Variants in ACTR3C observed in about 807,000 individuals in gnomAD.
ACTR3C encodes actin related protein 3C, also known as actin-related protein 3C.
ACTR3C carries 18 observed loss-of-function variants against 26.3 expected under a neutral mutation model. That is an observed-to-expected ratio of 0.68 (90% CI 0.47 to 1.01). The LOEUF is 1.01. Among genes scored for constraint, ACTR3C ranks in the 50% least tolerant of loss-of-function variants. The pLI is 0.00. For synonymous variants in ACTR3C, 55 were observed against 94.5 expected (o/e 0.58, Z 2.42); for missense variants, 184 against 250.7 (o/e 0.73, Z 1.80).
At chr7:150,044,459 A>C in the ACTR3C span, among the ~76,000 whole-genome samples, 1 of 152,224 alleles carries the variant, frequency 6.6e-6, no homozygotes, top group African/African-American at 2.4e-5. Context: ...TTTTATTTCT[A>C]TTTTGAAGTC....
chr7:150,193,948 T>TAAA, the ACTR3C span, among the ~76,000 whole-genome samples: 150 of 141,596 alleles, frequency 1.1e-3, 1 homozygote, highest in African/African-American at 3.9e-3. Context: ...ATGCCTGCTT[T>TAAA]AAAAAAATAT....
the ACTR3C span, among the ~76,000 whole-genome samples, chr7:149,885,034 C>T: frequency 6.3e-4 from 96 of 152,094 alleles, no homozygotes; most frequent in Non-Finnish European, 1.3e-3. Flanking sequence ...AGGGGGAGCA[C>T]GGGAGGGCAC....
chr7:150,180,588 C>T, the ACTR3C span, among the ~76,000 whole-genome samples: 2 of 146,372 alleles, frequency 1.4e-5, no homozygotes, highest in East Asian at 4.0e-4. Flanking sequence ...TCTCGGCTCA[C>T]TGCAAGCTCC....
At chr7:150,296,440 G>T (rs113496022) in intron 1 of ACTR3C, among the ~76,000 whole-genome samples, 5,979 of 151,926 alleles carry the variant, frequency 0.039, 374 homozygotes, top group African/African-American at 0.14. Flanking sequence ...AAGAATCCAA[G>T]TATCTATTTT....
chr7:150,128,902 G>A, the ACTR3C span, among the ~76,000 whole-genome samples: 1 of 151,596 alleles, frequency 6.6e-6, no homozygotes, highest in Non-Finnish European at 1.5e-5. Context: ...CCTAGAGAAA[G>A]CTTCCAGACC....
At chr7:150,024,689 C>T in the ACTR3C span, among the ~76,000 whole-genome samples, 8 of 135,634 alleles carry the variant, frequency 5.9e-5, no homozygotes, top group East Asian at 4.2e-4. Context: ...ACCACACTTG[C>T]GTGCAAGAGC....
At chr7:150,141,890 G>T in the ACTR3C span, among the ~76,000 whole-genome samples, 3 of 151,876 alleles carry the variant, frequency 2.0e-5, no homozygotes, top group African/African-American at 4.8e-5. Flanking sequence ...GGAACAGAAG[G>T]CCTCTCTCTA....
chr7:150,108,921 G>C, the ACTR3C span, among the ~76,000 whole-genome samples: 27,564 of 151,376 alleles, frequency 0.18, 3,425 homozygotes, highest in African/African-American at 0.34. Flanking sequence ...TGGGGAAGTT[G>C]CAAGAACCTC....
the ACTR3C span, among the ~76,000 whole-genome samples, chr7:150,071,323 A>C: frequency 6.7e-6 from 1 of 148,456 alleles, no homozygotes; most frequent in East Asian, 2.0e-4. Flanking sequence ...ACGGGGTTTC[A>C]CCATGTTAGC....
the ACTR3C span, among the ~76,000 whole-genome samples, chr7:149,925,500 C>T: frequency 6.6e-6 from 1 of 152,096 alleles, no homozygotes; most frequent in Non-Finnish European, 1.5e-5. Context: ...TGTGGTGCTG[C>T]TATTATGAAC....
At chr7:150,149,298 CCTT>C in the ACTR3C span, among the ~76,000 whole-genome samples, 1 of 151,844 alleles carries the variant, frequency 6.6e-6, no homozygotes, top group East Asian at 1.9e-4. Flanking sequence ...ATGTGACTCA[CCTT>C]CTCCCACCTC....
chr7:150,288,035 C>A (rs1236630975), intron 4 of ACTR3C, among the ~76,000 whole-genome samples: 1 of 146,506 alleles, frequency 6.8e-6, no homozygotes, highest in South Asian at 2.3e-4. Flanking sequence ...AAGGCCATGG[C>A]AGTAAGGGGA....
the ACTR3C span, among the ~76,000 whole-genome samples, chr7:150,049,230 C>G: frequency 5.9e-5 from 9 of 152,202 alleles, no homozygotes; most frequent in South Asian, 1.9e-3. Context: ...CTCCCGCGTC[C>G]TCCCCGGCTC....
chr7:150,209,325 AG>A, the ACTR3C span, among the ~76,000 whole-genome samples: 1 of 148,028 alleles, frequency 6.8e-6, no homozygotes, highest in South Asian at 2.1e-4. Context: ...AGAGAGAGAG[AG>A]AGAGAGAAGT....
the ACTR3C span, among the ~76,000 whole-genome samples, chr7:150,199,085 G>GCCCC: frequency 7.1e-3 from 1,042 of 146,144 alleles, 26 homozygotes; most frequent in African/African-American, 0.026. Flanking sequence ...CTGCCCGGCC[G>GCCCC]CCCCCCCGTC....
the ACTR3C span, among the ~76,000 whole-genome samples, chr7:150,033,449 T>C: frequency 2.6e-5 from 4 of 152,228 alleles, no homozygotes; most frequent in Non-Finnish European, 4.4e-5. Flanking sequence ...CAGACTCTCA[T>C]GCACCTGCCG....
At chr7:149,915,091 G>A in the ACTR3C span, among the ~76,000 whole-genome samples, 6 of 152,190 alleles carry the variant, frequency 3.9e-5, no homozygotes, top group Non-Finnish European at 8.8e-5. Flanking sequence ...TGTTGGCCAG[G>A]CTAGTCTGGA....
the ACTR3C span, among the ~76,000 whole-genome samples, chr7:149,914,110 A>G: frequency 6.6e-6 from 1 of 151,400 alleles, no homozygotes; most frequent in Non-Finnish European, 1.5e-5. Flanking sequence ...ATTGGTCTCA[A>G]ACTCTTGGGC....
chr7:150,207,050 A>T, the ACTR3C span, among the ~76,000 whole-genome samples: 2 of 152,214 alleles, frequency 1.3e-5, no homozygotes, highest in African/African-American at 4.8e-5. Context: ...AATGTTATGT[A>T]ATAACTGTCT....
Sources: allele counts gnomAD v4.1 joint callset (sites outside exome capture counted in the v4.1 genomes callset), GRCh38; gene constraint gnomAD v4.1.1; transcripts MANE v1.5; gene names NCBI Gene and HGNC (gene_info 2026-07-23, HGNC 2026-07-21).